Variants in ZFYVE9 observed in about 807,000 individuals in gnomAD.
ZFYVE9 encodes the protein zinc finger FYVE-type containing 9, also known as zinc finger FYVE domain-containing protein 9.
A neutral mutation model predicts 126.7 loss-of-function variants in ZFYVE9; 43 were observed. The ratio of observed to expected loss-of-function variants is 0.34; its 90% CI spans 0.27 to 0.44. The LOEUF (loss-of-function observed/expected upper bound fraction) is 0.44. ZFYVE9 is among the 20% of genes least tolerant of loss of function. ZFYVE9 has a pLI of 1.00. For missense variants in ZFYVE9, 1,476 were observed against 1,697.0 expected (o/e 0.87, Z 2.29); for synonymous variants, 521 against 597.4 (o/e 0.87, Z 1.87).
chr1:52,306,174 C>G (rs936336998), intron 13 of ZFYVE9, among the ~76,000 whole-genome samples: 2 of 152,208 alleles, frequency 1.3e-5, no homozygotes, highest in African/African-American at 4.8e-5. Flanking sequence ...CTGCCCATGG[C>G]TGTCCATGCA....
intron 12 of ZFYVE9, among the ~76,000 whole-genome samples, chr1:52,301,873 CTT>C (rs1362700272): frequency 2.0e-5 from 3 of 152,052 alleles, no homozygotes; most frequent in African/African-American, 7.2e-5. Context: ...TTTTTTGTCT[CTT>C]GTTTTCATTT....
chr1:52,154,127 A>G (rs1207628097), intron 1 of ZFYVE9, among the ~76,000 whole-genome samples: 1 of 152,114 alleles, frequency 6.6e-6, no homozygotes, highest in Non-Finnish European at 1.5e-5. Context: ...GCTGGATTCC[A>G]TGTCTGTTGA....
chr1:52,233,275 A>G lies in ZFYVE9; in HGVS notation c.69A>G (p.Glu23=), dbSNP rs775493396. 3.8e-6 allele frequency: 6 copies of G among 1,577,836 alleles called. No homozygotes were observed. Among genetic ancestry groups the G allele is most frequent in the Middle Eastern group, 1.7e-4 (1 of 5,918 alleles). ...TGTTAGATGAATTTGAACAAAACGA[A>G]GGTGAGAATTTATATTGGTGAATCT... ...DKVLDEFEQN[E]DETVSSTLLD... The change falls in exon 3 of 19, where the codon GAA becomes GAG. Residue 23 remains glutamate (E), a splice_region_variant and synonymous_variant. Transcript: ENST00000287727.
intron 4 of ZFYVE9, among the ~76,000 whole-genome samples, chr1:52,259,978 T>A (rs145577240): frequency 6.1e-4 from 93 of 152,250 alleles, no homozygotes; most frequent in South Asian, 5.8e-3. Context: ...AACACTTGGG[T>A]TGTTTACAAC....
chr1:52,184,765 C>T (rs568577231), intron 1 of ZFYVE9, among the ~76,000 whole-genome samples: 1 of 152,142 alleles, frequency 6.6e-6, no homozygotes, highest in East Asian at 1.9e-4. Context: ...GTGCGGTGAC[C>T]TATAATCCCA....
chr1:52,341,836 G>T lies in ZFYVE9; in HGVS notation c.3939+1605G>T, dbSNP rs569310534. ...TCCATGATTTCATATGCAGCCAAGG[G>T]ATTTTAGTTGCTTGCTATGTAATGA... is the stretch of plus-strand genomic sequence containing the variant. On this transcript the variant is annotated intron_variant, in intron 17 of 18. Coordinates refer to ENST00000287727, the MANE Select transcript of ZFYVE9 (RefSeq NM_004799.4). Among the ~76,000 whole-genome samples the T allele has an allele frequency of 1.3e-3, 199 of 152,344 alleles. 1 individual carries two copies. Among genetic ancestry groups the T allele is most frequent in the Non-Finnish European group, 2.2e-3 (147 of 68,038 alleles).
chr1:52,254,074 C>T, intron 4 of ZFYVE9: 1 of 769,650 alleles, frequency 1.3e-6, no homozygotes, highest in South Asian at 1.6e-5. Context: ...AAAAGACACC[C>T]ACCCATATGA....
chr1:52,248,897 G>A lies in ZFYVE9; in HGVS notation c.2178+9302G>A, dbSNP rs143852579. On this transcript the variant is annotated intron_variant, in intron 4 of 18. Coordinates refer to ENST00000287727, the MANE Select transcript of ZFYVE9 (RefSeq NM_004799.4). ...CCATTCCCGTCAACAATTCACAAGA[G>A]CTCCAGTTTCTCCACATCTTCTTTG... is the stretch of plus-strand genomic sequence containing the variant. 4.6e-5 allele frequency among the ~76,000 whole-genome samples: 7 copies of A among 152,214 alleles called. No individual in the cohort carries two copies. In the East Asian group the frequency reaches 1.4e-3, roughly 29 times the overall value.
At chr1:52,166,257 C>G (rs1406093018) in intron 1 of ZFYVE9, among the ~76,000 whole-genome samples, 1 of 152,144 alleles carries the variant, frequency 6.6e-6, no homozygotes, top group Non-Finnish European at 1.5e-5. Context: ...GCAAGCAGTT[C>G]TACCCATCAT....
chr1:52,334,656 G>T, intron 14 of ZFYVE9, 32 bp from the exon 15 acceptor site: 2 of 1,606,552 alleles, frequency 1.2e-6, no homozygotes, highest in Non-Finnish European at 1.7e-6. Context: ...CTTAGGGTCT[G>T]TCTTACTAAA....
chr1:52,343,763 C>CA (rs369691890), intron 17 of ZFYVE9, among the ~76,000 whole-genome samples: 28 of 124,834 alleles, frequency 2.2e-4, no homozygotes, highest in Middle Eastern at 5.2e-3. Context: ...GACTCCATCT[C>CA]AAAAAAAAAA....
chr1:52,251,762 A>G (rs1645449783), intron 4 of ZFYVE9, among the ~76,000 whole-genome samples: 1 of 152,224 alleles, frequency 6.6e-6, no homozygotes, highest in Admixed American at 6.5e-5. Flanking sequence ...GAGTTTGAGA[A>G]GGATTGGTGT....
chr1:52,271,280 G>A (rs1645689544), intron 7 of ZFYVE9, among the ~76,000 whole-genome samples: 1 of 152,184 alleles, frequency 6.6e-6, no homozygotes, highest in East Asian at 1.9e-4. Flanking sequence ...CTCACATTGT[G>A]CAACACTCTA....
At position 52,196,387 on chromosome 1, in the gene ZFYVE9, A is replaced by G. The variant is rs573194673; in HGVS notation, c.-142-19982A>G. Among the ~76,000 whole-genome samples, 28 of 152,150 alleles carry G rather than the reference A, an allele frequency of 1.8e-4. No homozygotes were observed. The East Asian group carries it at 5.0e-3, about 27-fold the overall frequency. On this transcript the variant is annotated intron_variant, in intron 1 of 18. Coordinates refer to ENST00000287727, the MANE Select transcript of ZFYVE9 (RefSeq NM_004799.4). ...GGCCGGGCTCACGCCTGTAATCCCA[A>G]CACTTTGGGAGGCCAAGGTGGGTGG...
At chr1:52,256,405 C>G (rs1161546905) in intron 4 of ZFYVE9, among the ~76,000 whole-genome samples, 2 of 149,514 alleles carry the variant, frequency 1.3e-5, no homozygotes, top group Non-Finnish European at 3.0e-5. Flanking sequence ...CAGTTTTGCT[C>G]TTGTCGCTCA....
chr1:52,294,797 A>G (rs548644881), intron 11 of ZFYVE9, among the ~76,000 whole-genome samples: 69 of 152,364 alleles, frequency 4.5e-4, no homozygotes, highest in African/African-American at 1.7e-3. Flanking sequence ...GTGCAAAAGA[A>G]GCAACATGTG....
At chr1:52,168,914 GT>G (rs1483834457) in intron 1 of ZFYVE9, among the ~76,000 whole-genome samples, 1 of 152,096 alleles carries the variant, frequency 6.6e-6, no homozygotes, top group Non-Finnish European at 1.5e-5. Context: ...ATAAGTGGCA[GT>G]TGGCCGACCC....
Position 52,239,375 on chromosome 1 carries a change from A to C in ZFYVE9, c.1958A>C (p.Glu653Ala). The part of the protein sequence containing the change: ...DTNGEHLESY[E>A]AEISTRPCLA... ...AATGGGGAACATTTAGAAAGTTATG[A>C]GGCTGAGATCTCCACTAGACCATGC... is the stretch of plus-strand genomic sequence containing the variant. Residue 653 changes from glutamate (E) to alanine (A), a missense_variant, in exon 4 of 19, where the codon GAG becomes GCG. Coordinates refer to ENST00000287727, the MANE Select transcript of ZFYVE9 (RefSeq NM_004799.4). The C allele has an allele frequency of 6.2e-7, 1 of 1,613,594 alleles. No homozygotes were observed. The highest frequency in any genetic ancestry group is 1.3e-5 in the African/African-American group (1 of 74,860).
intron 1 of ZFYVE9, among the ~76,000 whole-genome samples, chr1:52,197,762 G>A (rs1416267790): frequency 6.6e-6 from 1 of 152,240 alleles, no homozygotes; most frequent in African/African-American, 2.4e-5. Flanking sequence ...GAAGTTATCA[G>A]TGACTTGAAA....
Sources: allele counts gnomAD v4.1 joint callset (sites outside exome capture counted in the v4.1 genomes callset), GRCh38; gene constraint gnomAD v4.1.1; transcripts MANE v1.5; gene names NCBI Gene and HGNC (gene_info 2026-07-23, HGNC 2026-07-21).